Variants in DCC observed in about 807,000 individuals in gnomAD.
DCC encodes netrin receptor DCC.
DCC carries 58 observed loss-of-function variants against 172.5 expected under a neutral mutation model. That is an observed-to-expected ratio of 0.34 (90% CI 0.27 to 0.42). The LOEUF is 0.42. Among genes scored for constraint, DCC ranks in the 10% least tolerant of loss-of-function variants. DCC has a pLI of 1.00. For missense variants in DCC, 1,740 were observed against 1,791.0 expected, an observed-to-expected ratio of 0.97 and a Z score of 0.51; for synonymous variants, 709 against 644.5, an observed-to-expected ratio of 1.10 and a Z score of -1.52.
intron 1 of DCC, among the ~76,000 whole-genome samples, chr18:52,636,246 C>G (rs562492736): frequency 6.6e-6 from 1 of 152,048 alleles, no homozygotes; most frequent in Non-Finnish European, 1.5e-5. Context: ...AGGGATCCAA[C>G]GAGAGAGGAC....
intron 5 of DCC, among the ~76,000 whole-genome samples, chr18:53,008,577 A>G (rs144336758): frequency 9.9e-5 from 15 of 152,220 alleles, no homozygotes; most frequent in African/African-American, 3.4e-4. Flanking sequence ...TAAATATTAC[A>G]TAAGTGTAAA....
intron 2 of DCC, among the ~76,000 whole-genome samples, chr18:52,775,649 A>G (rs1001078282): frequency 1.3e-5 from 2 of 152,074 alleles, no homozygotes; most frequent in African/African-American, 4.8e-5. Flanking sequence ...CAGGCCTGCC[A>G]CTATTAGTTG....
At chr18:53,130,921 T>C (rs1478124693) in intron 7 of DCC, among the ~76,000 whole-genome samples, 1 of 152,162 alleles carries the variant, frequency 6.6e-6, no homozygotes, top group Non-Finnish European at 1.5e-5. Flanking sequence ...ACACGGGATG[T>C]TCAGATTACA....
chr18:52,995,007 C>T (rs2041456190), intron 5 of DCC, among the ~76,000 whole-genome samples: 1 of 152,070 alleles, frequency 6.6e-6, no homozygotes, highest in Non-Finnish European at 1.5e-5. Context: ...AAACTAACAG[C>T]ATTTTAAGAT....
At chr18:53,275,984 A>G (rs1459676961) in intron 12 of DCC, among the ~76,000 whole-genome samples, 4 of 152,138 alleles carry the variant, frequency 2.6e-5, no homozygotes. Context: ...ACTCTCATAA[A>G]TATAAAATGA....
intron 7 of DCC, among the ~76,000 whole-genome samples, chr18:53,147,089 T>C (rs1355867689): frequency 1.3e-5 from 2 of 152,220 alleles, no homozygotes; most frequent in African/African-American, 4.8e-5. Flanking sequence ...CTGGTGATTA[T>C]TGTTTTTATT....
At chr18:52,400,601 C>T (rs1053200090) in intron 1 of DCC, among the ~76,000 whole-genome samples, 2 of 151,934 alleles carry the variant, frequency 1.3e-5, no homozygotes, top group Non-Finnish European at 2.9e-5. Flanking sequence ...TGGGTATAAA[C>T]CCAAAGGATT....
At chr18:53,223,372 C>G (rs1202188597) in intron 12 of DCC, among the ~76,000 whole-genome samples, 1 of 152,106 alleles carries the variant, frequency 6.6e-6, no homozygotes, top group Non-Finnish European at 1.5e-5. Flanking sequence ...GTTCTAGCCT[C>G]ACTTTAATAT....
intron 1 of DCC, among the ~76,000 whole-genome samples, chr18:52,513,125 CTAT>C (rs1230749823): frequency 6.6e-6 from 1 of 152,118 alleles, no homozygotes; most frequent in East Asian, 1.9e-4. Flanking sequence ...AGTGAAGAGT[CTAT>C]TATAGTTCTC....
intron 15 of DCC, among the ~76,000 whole-genome samples, chr18:53,358,994 T>C (rs560485982): frequency 6.6e-6 from 1 of 152,284 alleles, no homozygotes; most frequent in South Asian, 2.1e-4. Context: ...CCTAGAAATG[T>C]TGGGTGGAGA....
At chr18:53,365,457 A>G (rs1223029480) in intron 15 of DCC, among the ~76,000 whole-genome samples, 3 of 151,624 alleles carry the variant, frequency 2.0e-5, no homozygotes, top group South Asian at 4.1e-4. Flanking sequence ...AAAAAAAAAA[A>G]AAAGAAAAAA....
chr18:53,116,828 A>T (rs1360531758), intron 7 of DCC, among the ~76,000 whole-genome samples: 6 of 151,672 alleles, frequency 4.0e-5, no homozygotes, highest in Admixed American at 4.0e-4. Context: ...CTTTTAAAAA[A>T]CAGTACACAT....
chr18:52,490,578 G>C (rs73957903), intron 1 of DCC, among the ~76,000 whole-genome samples: 4 of 152,020 alleles, frequency 2.6e-5, no homozygotes, highest in African/African-American at 9.7e-5. Context: ...CGTGAAGGGC[G>C]CTTTCTGTTT....
chr18:53,187,281 C>A (rs904100374), intron 9 of DCC, among the ~76,000 whole-genome samples: 3 of 151,884 alleles, frequency 2.0e-5, no homozygotes, highest in Non-Finnish European at 2.9e-5. Flanking sequence ...CACCACCACA[C>A]CTGGCAAAGT....
At chr18:52,580,619 G>C (rs969679744) in intron 1 of DCC, among the ~76,000 whole-genome samples, 3 of 152,176 alleles carry the variant, frequency 2.0e-5, no homozygotes, top group Non-Finnish European at 2.9e-5. Context: ...GGAAATGAAA[G>C]ATTTATCACA....
chr18:53,305,852 C>A, intron 13 of DCC, 133 bp downstream of exon 13: 3 of 824,748 alleles, frequency 3.6e-6, no homozygotes, highest in South Asian at 1.4e-5. Context: ...TTGGCTGGAA[C>A]AAGAACAACC....
intron 5 of DCC, among the ~76,000 whole-genome samples, chr18:52,939,270 G>A (rs565718415): frequency 3.9e-5 from 6 of 152,074 alleles, no homozygotes; most frequent in African/African-American, 4.8e-5. Flanking sequence ...CTGACTCTTC[G>A]ACTGGATCAT....
chr18:53,173,182 G>T (rs1033716803), intron 8 of DCC, among the ~76,000 whole-genome samples: 1 of 152,100 alleles, frequency 6.6e-6, no homozygotes, highest in Non-Finnish European at 1.5e-5. Flanking sequence ...AGTGTGGTAT[G>T]TGGCAAATGG....
chr18:53,047,235 G>GATATATATAT (rs70944616), intron 5 of DCC, among the ~76,000 whole-genome samples: 1 of 30,286 alleles, frequency 3.3e-5, no homozygotes, highest in East Asian at 1.6e-3. Context: ...CTGCAGGTAG[G>GATATATATAT]ATATATATAT....
Sources: allele counts gnomAD v4.1 joint callset (sites outside exome capture counted in the v4.1 genomes callset), GRCh38; gene constraint gnomAD v4.1.1; transcripts MANE v1.5; gene names NCBI Gene and HGNC (gene_info 2026-07-23, HGNC 2026-07-21).